INPP4B: variants seen among roughly 807,000 people sequenced by gnomAD.
INPP4B encodes inositol polyphosphate-4-phosphatase type II B, also known as inositol polyphosphate 4-phosphatase type II.
A neutral mutation model predicts 122.5 loss-of-function variants in INPP4B; 55 were observed. That is an observed-to-expected ratio of 0.45 (90% CI 0.36 to 0.56). The LOEUF (loss-of-function observed/expected upper bound fraction) is 0.56. INPP4B is among the 20% of genes least tolerant of loss of function. The pLI is 0.00. For missense variants in INPP4B, 1,000 were observed against 1,097.7 expected, an observed-to-expected ratio of 0.91 and a Z score of 1.26; for synonymous variants, 403 against 388.7, an observed-to-expected ratio of 1.04 and a Z score of -0.43.
chr4:142,305,947 G>A, intron 8 of INPP4B: 1 of 1,015,304 alleles, frequency 9.8e-7, no homozygotes, highest in Non-Finnish European at 1.2e-6. Flanking sequence ...CCAGATATGA[G>A]CAAATCTGTT....
intron 24 of INPP4B, among the ~76,000 whole-genome samples, chr4:142,084,106 A>C (rs758847399): frequency 6.8e-4 from 103 of 152,098 alleles, no homozygotes; most frequent in Non-Finnish European, 2.2e-4. Context: ...AGAAAAAAAC[A>C]AATGACTTTA....
intron 1 of INPP4B, among the ~76,000 whole-genome samples, chr4:142,831,093 T>C (rs544923301): frequency 3.3e-4 from 50 of 152,136 alleles, no homozygotes; most frequent in Non-Finnish European, 6.2e-4. Context: ...AACTGCTTTT[T>C]ATTGCCTTCT....
intron 9 of INPP4B, among the ~76,000 whole-genome samples, chr4:142,289,510 T>C (rs1755423951): frequency 6.6e-6 from 1 of 152,192 alleles, no homozygotes; most frequent in African/African-American, 2.4e-5. Context: ...CCACAAGCTA[T>C]TCTTCCTTAT....
At chr4:142,686,840 C>T (rs755936889) in intron 2 of INPP4B, among the ~76,000 whole-genome samples, 6 of 152,040 alleles carry the variant, frequency 3.9e-5, no homozygotes, top group Non-Finnish European at 7.4e-5. Flanking sequence ...CCTTTACCTC[C>T]ACTCTAGAGA....
intron 12 of INPP4B, among the ~76,000 whole-genome samples, chr4:142,221,885 G>A (rs1849536439): frequency 6.6e-6 from 1 of 152,198 alleles, no homozygotes; most frequent in Non-Finnish European, 1.5e-5. Flanking sequence ...GGATAGTTCA[G>A]TTCTAGATGA....
intron 2 of INPP4B, among the ~76,000 whole-genome samples, chr4:142,708,195 T>C (rs1016325177): frequency 1.8e-4 from 28 of 152,152 alleles, no homozygotes; most frequent in Non-Finnish European, 2.6e-4. Context: ...TATGCTCATA[T>C]GTGTAGGCAA....
intron 25 of INPP4B, chr4:142,030,322 T>G: frequency 6.6e-7 from 1 of 1,525,320 alleles, no homozygotes; most frequent in Non-Finnish European, 8.8e-7. Context: ...GAGGGGAAGT[T>G]GGGGGGGAAA....
intron 1 of INPP4B, among the ~76,000 whole-genome samples, chr4:142,755,069 A>C (rs1227484196): frequency 6.6e-6 from 1 of 152,010 alleles, no homozygotes; most frequent in Non-Finnish European, 1.5e-5. Context: ...AGTGAATGGG[A>C]ACTCTCATTC....
chr4:142,540,317 A>C (rs534516372), intron 2 of INPP4B, among the ~76,000 whole-genome samples: 1 of 151,254 alleles, frequency 6.6e-6, no homozygotes, highest in Non-Finnish European at 1.5e-5. Context: ...TATGAAAAGG[A>C]GGAAGTTTTT....
chr4:142,124,623 G>A lies in INPP4B; in HGVS notation c.1858C>T (p.Leu620=), dbSNP rs1797949110. 1 of 1,613,378 alleles carries A rather than the reference G, an allele frequency of 6.2e-7. No individual in the cohort carries two copies. The highest frequency in any genetic ancestry group is 1.1e-5 in the South Asian group (1 of 91,070). Residue 620 remains leucine (L), a synonymous_variant, in exon 19 of 26, where the codon CTG becomes TTG. Transcript: ENST00000262992. ...AAGACGATGTCTCTTCTTAGCGTCA[G>A]CATCAGACACTGGGGCAAGCTGTAC... ...LAYSLPQCLM[L]TLRRDIVFSQ...
intron 1 of INPP4B, chr4:142,765,931 T>C (rs1482493648): frequency 1.3e-5 from 2 of 151,998 alleles, no homozygotes; most frequent in Non-Finnish European, 2.9e-5. Flanking sequence ...TCAATAAATA[T>C]ATTACTTCAT....
At chr4:142,433,339 T>C (rs945985913) in intron 3 of INPP4B, among the ~76,000 whole-genome samples, 12 of 152,160 alleles carry the variant, frequency 7.9e-5, no homozygotes, top group African/African-American at 2.9e-4. Context: ...TTAAAAGAGA[T>C]AGCTTTTAAG....
At chr4:142,318,954 A>T (rs764903412) in intron 7 of INPP4B, among the ~76,000 whole-genome samples, 2 of 152,188 alleles carry the variant, frequency 1.3e-5, no homozygotes, top group Non-Finnish European at 2.9e-5. Flanking sequence ...CATACTCCTC[A>T]GACTAGTCAA....
intron 2 of INPP4B, among the ~76,000 whole-genome samples, chr4:142,701,553 G>GT (rs1453084178): frequency 2.0e-5 from 3 of 151,508 alleles, no homozygotes; most frequent in Non-Finnish European, 2.9e-5. Flanking sequence ...ATTTGTCTTG[G>GT]TAACAGTTTG....
intron 2 of INPP4B, among the ~76,000 whole-genome samples, chr4:142,515,050 C>T (rs1278706246): frequency 6.6e-6 from 1 of 152,100 alleles, no homozygotes; most frequent in Non-Finnish European, 1.5e-5. Flanking sequence ...CATGCCTCAG[C>T]CTCCCAAAGT....
intron 25 of INPP4B, among the ~76,000 whole-genome samples, chr4:142,047,710 A>C (rs1160335444): frequency 6.6e-6 from 1 of 152,038 alleles, no homozygotes; most frequent in African/African-American, 2.4e-5. Context: ...TTCAGGTTTT[A>C]TATATCTTGA....
At chr4:142,714,606 C>T (rs2150810251) in intron 2 of INPP4B, among the ~76,000 whole-genome samples, 1 of 152,262 alleles carries the variant, frequency 6.6e-6, no homozygotes, top group East Asian at 1.9e-4. Context: ...TTTGTTTTTG[C>T]TTTTCTCTTT....
chr4:142,531,123 TA>T (rs759445647), intron 2 of INPP4B, among the ~76,000 whole-genome samples: 1 of 151,814 alleles, frequency 6.6e-6, no homozygotes, highest in Non-Finnish European at 1.5e-5. Flanking sequence ...AGCTTTAAGG[TA>T]GGGGGCGGAG....
At chr4:142,812,840 A>T (rs1322594322) in intron 1 of INPP4B, among the ~76,000 whole-genome samples, 1 of 152,202 alleles carries the variant, frequency 6.6e-6, no homozygotes, top group African/African-American at 2.4e-5. Context: ...ATGTAAAAGC[A>T]TGACAATCCT....
Sources: allele counts gnomAD v4.1 joint callset (sites outside exome capture counted in the v4.1 genomes callset), GRCh38; gene constraint gnomAD v4.1.1; transcripts MANE v1.5; gene names NCBI Gene and HGNC (gene_info 2026-07-23, HGNC 2026-07-21).